INPP4B: variants seen among roughly 807,000 people sequenced by gnomAD.
INPP4B encodes inositol polyphosphate 4-phosphatase type II.
Under a neutral mutation model 122.5 loss-of-function variants are expected in INPP4B, and 55 were observed. That is an observed-to-expected ratio of 0.45 (90% confidence interval 0.36 to 0.56). INPP4B has a LOEUF of 0.56. INPP4B is among the 20% of genes least tolerant of loss of function. INPP4B has a pLI of 0.00. For missense variants in INPP4B, 1,000 were observed against 1,097.7 expected, an observed-to-expected ratio of 0.91 and a Z score of 1.26; for synonymous variants, 403 against 388.7, an observed-to-expected ratio of 1.04 and a Z score of -0.43.
chr4:142,568,277 T>C (rs1029118464), intron 2 of INPP4B, among the ~76,000 whole-genome samples: 18 of 151,346 alleles, frequency 1.2e-4, no homozygotes, highest in African/African-American at 4.4e-4. Flanking sequence ...GTTTCCCAAC[T>C]CTGGCCTTAC....
intron 25 of INPP4B, among the ~76,000 whole-genome samples, chr4:142,069,801 G>A (rs1202491261): frequency 6.6e-6 from 1 of 152,084 alleles, no homozygotes; most frequent in African/African-American, 2.4e-5. Flanking sequence ...TTGAATCCCT[G>A]AATAGACCAA....
intron 7 of INPP4B, among the ~76,000 whole-genome samples, chr4:142,330,340 C>A (rs900155317): frequency 6.6e-6 from 1 of 152,106 alleles, no homozygotes; most frequent in Admixed American, 6.5e-5. Context: ...TATCATTGGG[C>A]CTGGATTAAA....
At chr4:142,378,336 T>A (rs577354290) in intron 7 of INPP4B, among the ~76,000 whole-genome samples, 66 of 152,286 alleles carry the variant, frequency 4.3e-4, no homozygotes, top group Non-Finnish European at 7.2e-4. Context: ...TCCAACACTA[T>A]GTGAGCCTGA....
chr4:142,498,652 A>G (rs1198594103), intron 2 of INPP4B, among the ~76,000 whole-genome samples: 4 of 151,858 alleles, frequency 2.6e-5, no homozygotes, highest in African/African-American at 7.3e-5. Context: ...TTAGCCGGGT[A>G]TGGTGGCATC....
chr4:142,430,201 T>G (rs1178350908), intron 4 of INPP4B, among the ~76,000 whole-genome samples: 2 of 152,128 alleles, frequency 1.3e-5, no homozygotes. Context: ...ATTATTTATT[T>G]TTGCACAGTA....
At chr4:142,200,400 T>C (rs1840147136) in intron 14 of INPP4B, among the ~76,000 whole-genome samples, 1 of 151,978 alleles carries the variant, frequency 6.6e-6, no homozygotes, top group African/African-American at 2.4e-5. Context: ...CATTAGAGAA[T>C]AGTGTTTAGA....
rs1044934007 is a variant in INPP4B, at chr4:142,627,861, G to A, written c.-191+97978C>T. 7.6e-4 allele frequency among the ~76,000 whole-genome samples: 115 copies of A among 151,984 alleles called. No homozygotes were observed. In the Middle Eastern group the frequency reaches 0.014, roughly 18 times the overall value. On this transcript the variant is annotated intron_variant, in intron 2 of 25. Transcript: ENST00000262992. ...CCTCCTTGTACCTCTGGTAGAATTC[G>A]GCTGTGAATCCATCTGGTCCTGGAC...
chr4:142,843,826 CT>C (rs1783854223), intron 1 of INPP4B, among the ~76,000 whole-genome samples: 1 of 151,910 alleles, frequency 6.6e-6, no homozygotes, highest in East Asian at 1.9e-4. Flanking sequence ...TGGGTTCTCC[CT>C]CAAGGTAGTG....
intron 18 of INPP4B, among the ~76,000 whole-genome samples, chr4:142,144,108 C>A (rs1185249132): frequency 2.0e-5 from 3 of 151,878 alleles, no homozygotes; most frequent in Non-Finnish European, 4.4e-5. Flanking sequence ...CACAATGTCT[C>A]ATATTCAAAT....
chr4:142,224,326 C>T (rs1850610424), intron 12 of INPP4B, among the ~76,000 whole-genome samples: 1 of 152,132 alleles, frequency 6.6e-6, no homozygotes, highest in South Asian at 2.1e-4. Flanking sequence ...AAGAATTCAC[C>T]TAAATAAATC....
At chr4:142,772,505 T>A (rs1422568173) in intron 1 of INPP4B, among the ~76,000 whole-genome samples, 1 of 151,818 alleles carries the variant, frequency 6.6e-6, no homozygotes, top group African/African-American at 2.4e-5. Flanking sequence ...TAGATATCAG[T>A]AGATGGAAGA....
intron 21 of INPP4B, among the ~76,000 whole-genome samples, chr4:142,112,927 G>T (rs1790965845): frequency 6.6e-6 from 1 of 151,950 alleles, no homozygotes; most frequent in Admixed American, 6.6e-5. Context: ...AAAATGTTCG[G>T]TTCATTTTTG....
intron 15 of INPP4B, among the ~76,000 whole-genome samples, chr4:142,185,017 G>C (rs1363360128): frequency 6.6e-6 from 1 of 152,134 alleles, no homozygotes; most frequent in East Asian, 1.9e-4. Flanking sequence ...GATTGGATGA[G>C]AGCCAGTCTG....
At position 142,096,551 on chromosome 4, in the gene INPP4B, G is replaced by C. The variant is rs183368307; in HGVS notation, c.2375-10295C>G. Among the ~76,000 whole-genome samples the C allele has an allele frequency of 3.3e-5, 5 of 152,170 alleles. No individual in the cohort carries two copies. In the East Asian group the frequency reaches 5.8e-4, roughly 18 times the overall value. The stretch of plus-strand genomic sequence containing the variant: ...AAGTCTATGTAGTTTAACATGCATT[G>C]AGGAAATAAAAATTGGATATTATTT... On this transcript the variant is annotated intron_variant, in intron 23 of 25. Transcript: ENST00000262992.
At chr4:142,249,659 T>C (rs1261083486) in intron 11 of INPP4B, among the ~76,000 whole-genome samples, 3 of 152,178 alleles carry the variant, frequency 2.0e-5, no homozygotes, top group Non-Finnish European at 2.9e-5. Flanking sequence ...TTTAAAATAA[T>C]TGAAAGGCAA....
At chr4:142,404,399 A>C (rs969976710) in intron 6 of INPP4B, among the ~76,000 whole-genome samples, 4 of 152,218 alleles carry the variant, frequency 2.6e-5, no homozygotes, top group African/African-American at 9.6e-5. Flanking sequence ...GCAAATCTTA[A>C]GAAGTGTAGA....
chr4:142,704,227 G>T (rs1390628422), intron 2 of INPP4B, among the ~76,000 whole-genome samples: 1 of 152,196 alleles, frequency 6.6e-6, no homozygotes, highest in East Asian at 1.9e-4. Context: ...TGAGGTGGTA[G>T]AGGGGAGACA....
chr4:142,073,485 C>T (rs775058868), intron 25 of INPP4B, among the ~76,000 whole-genome samples: 6 of 152,034 alleles, frequency 3.9e-5, no homozygotes, highest in Non-Finnish European at 7.4e-5. Context: ...AGCACTATAA[C>T]CAATATTCAA....
At chr4:142,058,282 T>A (rs557191339) in intron 25 of INPP4B, among the ~76,000 whole-genome samples, 1 of 152,128 alleles carries the variant, frequency 6.6e-6, no homozygotes, top group African/African-American at 2.4e-5. Flanking sequence ...TATACTGATT[T>A]GACATTTTCA....
Sources: gnomAD v4.1 joint callset for allele counts (sites outside exome capture counted in the v4.1 genomes callset) on GRCh38, gnomAD v4.1.1 for gene constraint, MANE v1.5 for transcripts, NCBI Gene and HGNC (gene_info 2026-07-23, HGNC 2026-07-21) for gene names.